The following ANKRD30B variants were observed in gnomAD, a reference collection of about 807,000 sequenced individuals.
ANKRD30B encodes ankyrin repeat domain-containing protein 30B.
In ANKRD30B, 144 loss-of-function variants were observed where a neutral mutation model predicts 202.2. The ratio of observed to expected loss-of-function variants is 0.71; its 90% CI spans 0.62 to 0.82. The LOEUF (loss-of-function observed/expected upper bound fraction) is 0.82, where lower values mean the gene tolerates loss of function less well. Ranked by LOEUF, ANKRD30B falls within the 40% of genes least tolerant of loss-of-function variation. The pLI, the probability that ANKRD30B is intolerant of heterozygous loss-of-function variation, is 0.00. For synonymous variants in ANKRD30B, 508 were observed against 561.3 expected (o/e 0.91, Z 1.34); for missense variants, 1,487 against 1,669.1 (o/e 0.89, Z 1.90).
intron 33 of ANKRD30B, 134 bp from the exon 34 acceptor site, chr18:14,831,249 A>G: frequency 5.4e-6 from 3 of 552,312 alleles, no homozygotes; most frequent in Non-Finnish European, 9.7e-6. Context: ...ATGATTTAAT[A>G]TATTGAGGAC....
At chr18:14,757,681 G>A (rs754479192) in intron 4 of ANKRD30B, 134 bp from the exon 5 acceptor site, 47 of 946,790 alleles carry the variant, frequency 5.0e-5, no homozygotes, top group Middle Eastern at 3.5e-4. Flanking sequence ...AGATTTGGTG[G>A]TGATTTGCAA....
chr18:14,796,099 C>T (rs1225350432), intron 16 of ANKRD30B, 122 bp from the exon 17 acceptor site: 1 of 1,093,342 alleles, frequency 9.1e-7, no homozygotes, highest in Non-Finnish European at 1.4e-6. Context: ...GACCCCAAAA[C>T]CTAGTGTAAT....
Position 14,850,278 on chromosome 18 carries a change from C to T in ANKRD30B, c.3460C>T (p.Pro1154Ser). The T allele has an allele frequency of 6.3e-7, 1 of 1,590,590 alleles. No individual in the cohort carries two copies. Among genetic ancestry groups the T allele is most frequent in the African/African-American group, 1.4e-5 (1 of 73,700 alleles). ...CGATATATTAAAAGAAAAAATTAGA[C>T]CCGAAGAGCAACTTAGGAAAAAGTT... ...NVDILKEKIRPEEQLRKKLEV... is the reference protein window; with the variant it reads ...NVDILKEKIRSEEQLRKKLEV... The change falls in exon 41 of 44, where the codon CCC (proline) becomes TCC (serine). Residue 1154 changes from proline to serine, a missense_variant. Physicochemically the swap from Pro to Ser is moderately conservative, Grantham distance 74. Transcript: ENST00000690538.
At chr18:14,795,937 T>C (rs1333376196) in intron 16 of ANKRD30B, among the ~76,000 whole-genome samples, 1 of 152,112 alleles carries the variant, frequency 6.6e-6, no homozygotes, top group Non-Finnish European at 1.5e-5. Flanking sequence ...TTAATCTTAC[T>C]GGTATTAGGA....
In ANKRD30B at chr18:14,851,490, T is replaced by C; in HGVS notation, c.3565-19T>C. 6.7e-7 allele frequency: 1 copy of C among 1,490,494 alleles called. No homozygotes were observed. Among genetic ancestry groups the C allele is most frequent in the Non-Finnish European group, 8.9e-7 (1 of 1,122,246 alleles). 92.3% of individuals were successfully genotyped at this position (1,490,494 alleles called of 1,614,324 possible). ...CATTTTATTGAGTGCTAGTTAAATT[T>C]TTATTTTGTTTTATTTAGGTTTCTC... On this transcript the variant is annotated intron_variant, in intron 41 of 43. Transcript: ENST00000690538.
At chr18:14,893,605 C>G in the ANKRD30B span, among the ~76,000 whole-genome samples, 1 of 150,194 alleles carries the variant, frequency 6.7e-6, no homozygotes, top group African/African-American at 2.4e-5. Flanking sequence ...GAGCTAGACT[C>G]CATCTCACAA....
At chr18:14,810,287 G>T (rs1375754204) in intron 28 of ANKRD30B, 107 bp downstream of exon 28, 37 of 719,420 alleles carry the variant, frequency 5.1e-5, no homozygotes, top group Non-Finnish European at 7.6e-5. Flanking sequence ...AATTTGATGG[G>T]AAAATTTGAT....
At chr18:14,856,274 G>A (rs536713094), downstream of ANKRD30B, among the ~76,000 whole-genome samples, 2,703 of 123,570 alleles carry the variant, frequency 0.022, 18 homozygotes, top group Non-Finnish European at 0.035. Flanking sequence ...CAGATGGGGC[G>A]GCCGAGAAAT....
chr18:14,837,598 T>C lies in ANKRD30B; in HGVS notation c.2927-17T>C. On this transcript the variant is annotated splice_polypyrimidine_tract_variant and intron_variant, in intron 35 of 43. Coordinates refer to ENST00000690538, the MANE Select transcript of ANKRD30B (RefSeq NM_001367607.2). ...ATAAACATTCTCATATACATGTCTG[T>C]GAATAACATTTTGTAGATAAGATGC... 1 of 1,503,224 alleles carries C rather than the reference T, an allele frequency of 6.7e-7. No individual in the cohort carries two copies. The highest frequency in any genetic ancestry group is 8.9e-7 in the Non-Finnish European group (1 of 1,117,670). The allele number at this position is 1,503,224 out of a possible 1,614,324, so 93.1% of individuals were successfully genotyped here.
In ANKRD30B at chr18:14,794,707, G is replaced by A. The variant is rs1372053913; in HGVS notation, c.1826-1514G>A. On this transcript the variant is annotated intron_variant, in intron 16 of 43. Coordinates refer to ENST00000690538, the MANE Select transcript of ANKRD30B (RefSeq NM_001367607.2). ...CACTTTTTTTCTAAAACACATACCTGCAACACGGTCATGCATATTTAGCCT... is the reference window on the plus strand; with the variant it reads ...CACTTTTTTTCTAAAACACATACCTACAACACGGTCATGCATATTTAGCCT... Among the ~76,000 whole-genome samples, 3 of 152,190 alleles carry A rather than the reference G, an allele frequency of 2.0e-5. No individual in the cohort carries two copies. In the East Asian group the frequency reaches 5.8e-4, roughly 29 times the overall value.
At chr18:14,875,482 G>A in the ANKRD30B span, among the ~76,000 whole-genome samples, 15 of 152,226 alleles carry the variant, frequency 9.9e-5, no homozygotes, top group African/African-American at 2.9e-4. Flanking sequence ...CTTATTGAGC[G>A]CTTACTGTGT....
chr18:14,766,472 CAAA>C (rs1168681924), intron 7 of ANKRD30B, among the ~76,000 whole-genome samples: 729 of 55,448 alleles, frequency 0.013, 2 homozygotes, highest in African/African-American at 0.046. Flanking sequence ...GACTCCATCT[CAAA>C]AAAAAAAAAA....
intron 10 of ANKRD30B, among the ~76,000 whole-genome samples, chr18:14,779,073 A>G (rs1967559768): frequency 6.6e-6 from 1 of 152,180 alleles, no homozygotes; most frequent in Non-Finnish European, 1.5e-5. Flanking sequence ...GCTAAGGAAG[A>G]GGGATTGTGA....
At chr18:14,882,697 G>A in the ANKRD30B span, among the ~76,000 whole-genome samples, 1 of 152,004 alleles carries the variant, frequency 6.6e-6, no homozygotes, top group Non-Finnish European at 1.5e-5. Flanking sequence ...AGTGCTGTCA[G>A]TGGAGTATTG....
chr18:14,860,389 G>A, the ANKRD30B span, among the ~76,000 whole-genome samples: 17 of 116,738 alleles, frequency 1.5e-4, no homozygotes, highest in Admixed American at 2.7e-4. Flanking sequence ...CAGAGGGGGT[G>A]GCCGGGCAGA....
At chr18:14,793,871 G>T (rs184052239) in intron 16 of ANKRD30B, among the ~76,000 whole-genome samples, 1 of 151,638 alleles carries the variant, frequency 6.6e-6, no homozygotes, top group East Asian at 1.9e-4. Flanking sequence ...TCCAGCCTGG[G>T]CGACAGGGCG....
intron 41 of ANKRD30B, among the ~76,000 whole-genome samples, chr18:14,850,751 G>A (rs759038744): frequency 3.6e-4 from 54 of 151,890 alleles, no homozygotes; most frequent in Non-Finnish European, 3.2e-4. Context: ...TAAGCTCATG[G>A]TTTTCTAAGT....
chr18:14,820,359 T>A (rs2144107917), intron 30 of ANKRD30B, among the ~76,000 whole-genome samples: 1 of 152,300 alleles, frequency 6.6e-6, no homozygotes, highest in Non-Finnish European at 1.5e-5. Context: ...TTTATTTCCT[T>A]CTCCTGCCTC....
downstream of ANKRD30B, among the ~76,000 whole-genome samples, chr18:14,854,875 ACACACG>A (rs1972032363): frequency 6.9e-6 from 1 of 145,902 alleles, no homozygotes; most frequent in Admixed American, 6.8e-5. Context: ...ACACACACAC[ACACACG>A]CTCTACCCTT....
Sources: allele counts gnomAD v4.1 joint callset (sites outside exome capture counted in the v4.1 genomes callset), GRCh38; gene constraint gnomAD v4.1.1; transcripts MANE v1.5; gene names NCBI Gene and HGNC (gene_info 2026-07-23, HGNC 2026-07-21).